DLGAP2: variants seen among roughly 807,000 people sequenced by gnomAD.
DLGAP2 encodes disks large-associated protein 2.
In DLGAP2, 26 loss-of-function variants were observed where a neutral mutation model predicts 100.3. That is an observed-to-expected ratio of 0.26 (90% CI 0.19 to 0.36). DLGAP2 has a LOEUF of 0.36. DLGAP2 is among the 10% of genes least tolerant of loss of function. The pLI is 1.00. For missense variants in DLGAP2, 1,858 were observed against 1,453.2 expected (o/e 1.28, Z -4.53); for synonymous variants, 886 against 630.1 (o/e 1.41, Z -6.08).
At chr8:962,460 G>C (rs191212610) in intron 2 of DLGAP2, among the ~76,000 whole-genome samples, 1 of 152,194 alleles carries the variant, frequency 6.6e-6, no homozygotes, top group East Asian at 1.9e-4. Flanking sequence ...ACCCGTCCTT[G>C]CACTGTGGCC....
At chr8:1,202,729 C>G (rs535051729) in intron 2 of DLGAP2, among the ~76,000 whole-genome samples, 129 of 152,188 alleles carry the variant, frequency 8.5e-4, no homozygotes, top group Non-Finnish European at 1.6e-3. Flanking sequence ...CCTCCTCAGT[C>G]TCCTGTGCAC....
intron 2 of DLGAP2, among the ~76,000 whole-genome samples, chr8:996,717 C>A (rs1563134614): frequency 6.6e-6 from 1 of 152,184 alleles, no homozygotes; most frequent in East Asian, 1.9e-4. Flanking sequence ...TCATCATTCA[C>A]TGTTTAATAC....
chr8:1,198,647 C>G (rs555996357), intron 2 of DLGAP2, among the ~76,000 whole-genome samples: 1 of 152,308 alleles, frequency 6.6e-6, no homozygotes, highest in South Asian at 2.1e-4. Context: ...GGGAGAAAGG[C>G]CGAGCCGCTC....
chr8:1,317,258 C>T (rs1365915839), intron 3 of DLGAP2, among the ~76,000 whole-genome samples: 6 of 141,186 alleles, frequency 4.2e-5, no homozygotes, highest in African/African-American at 5.5e-5. Flanking sequence ...TGTGCGAGTG[C>T]AGCGTCTCTC....
intron 1 of DLGAP2, among the ~76,000 whole-genome samples, chr8:767,695 A>G (rs1381359506): frequency 6.6e-6 from 1 of 152,120 alleles, no homozygotes; most frequent in African/African-American, 2.4e-5. Context: ...TTGTGCATCA[A>G]TCTTTAGGGT....
chr8:1,547,521 G>T (rs540695185), intron 4 of DLGAP2, among the ~76,000 whole-genome samples: 1 of 152,234 alleles, frequency 6.6e-6, no homozygotes, highest in South Asian at 2.1e-4. Flanking sequence ...GTGGGGTTGA[G>T]GGGGGCCTGC....
intron 3 of DLGAP2, among the ~76,000 whole-genome samples, chr8:1,480,138 G>A (rs1232183783): frequency 1.3e-5 from 2 of 152,202 alleles, no homozygotes; most frequent in East Asian, 3.8e-4. Flanking sequence ...CTGGCTACAG[G>A]CAGAGAGCCT....
chr8:812,502 G>T (rs1796391177), intron 1 of DLGAP2, among the ~76,000 whole-genome samples: 1 of 152,198 alleles, frequency 6.6e-6, no homozygotes, highest in Non-Finnish European at 1.5e-5. Context: ...TGCGTTGAGC[G>T]TGGGAGAAAT....
intron 3 of DLGAP2, among the ~76,000 whole-genome samples, chr8:1,349,315 A>G (rs1801647778): frequency 1.3e-5 from 2 of 150,864 alleles, no homozygotes; most frequent in South Asian, 4.3e-4. Context: ...CCTCCCGCCC[A>G]CATCCACACA....
chr8:1,031,592 G>T (rs1033180598), intron 2 of DLGAP2, among the ~76,000 whole-genome samples: 1 of 151,840 alleles, frequency 6.6e-6, no homozygotes, highest in Non-Finnish European at 1.5e-5. Context: ...TGTATTTTTT[G>T]TAGAGACGAG....
chr8:1,174,915 A>G (rs1301613587), intron 2 of DLGAP2, among the ~76,000 whole-genome samples: 1 of 152,122 alleles, frequency 6.6e-6, no homozygotes, highest in Non-Finnish European at 1.5e-5. Context: ...GCTCTGAGAG[A>G]GCTTATGTTG....
chr8:1,265,171 C>T (rs1799427240), intron 3 of DLGAP2, among the ~76,000 whole-genome samples: 1 of 152,148 alleles, frequency 6.6e-6, no homozygotes, highest in Non-Finnish European at 1.5e-5. Flanking sequence ...AAGTAATAGA[C>T]TTGCCTAGAT....
intron 6 of DLGAP2, among the ~76,000 whole-genome samples, chr8:1,594,126 C>A (rs1034687318): frequency 6.6e-6 from 1 of 152,166 alleles, no homozygotes; most frequent in Non-Finnish European, 1.5e-5. Context: ...CCCTCAGAAT[C>A]TCTGAATGAT....
chr8:960,748 G>T (rs1799706795), intron 2 of DLGAP2, among the ~76,000 whole-genome samples: 1 of 152,136 alleles, frequency 6.6e-6, no homozygotes, highest in African/African-American at 2.4e-5. Context: ...TAAACCTATT[G>T]TAAGTTGAAA....
At chr8:915,267 G>A (rs994603308) in intron 2 of DLGAP2, among the ~76,000 whole-genome samples, 7 of 152,224 alleles carry the variant, frequency 4.6e-5, no homozygotes, top group Non-Finnish European at 7.3e-5. Context: ...CCATCACTGG[G>A]CTGGGCGCGG....
chr8:928,513 A>T (rs1200063971), intron 2 of DLGAP2, among the ~76,000 whole-genome samples: 1 of 152,142 alleles, frequency 6.6e-6, no homozygotes, highest in African/African-American at 2.4e-5. Flanking sequence ...TGGTGACAAC[A>T]CGGGTGATGC....
At chr8:1,175,717 A>G (rs1329203401) in intron 2 of DLGAP2, among the ~76,000 whole-genome samples, 1 of 152,210 alleles carries the variant, frequency 6.6e-6, no homozygotes, top group African/African-American at 2.4e-5. Context: ...TAAGAGCTCA[A>G]TTCTTGACCT....
intron 6 of DLGAP2, among the ~76,000 whole-genome samples, chr8:1,597,678 T>C (rs971593238): frequency 1.3e-5 from 2 of 152,178 alleles, no homozygotes; most frequent in Non-Finnish European, 2.9e-5. Flanking sequence ...TTGTCTGTTA[T>C]TGGTGTACAG....
At chr8:1,188,385 C>A (rs1186250599) in intron 2 of DLGAP2, among the ~76,000 whole-genome samples, 1 of 129,716 alleles carries the variant, frequency 7.7e-6, no homozygotes, top group Non-Finnish European at 1.5e-5. Context: ...GAATCTCACA[C>A]ACCCGGGACC....
Sources: allele counts gnomAD v4.1 joint callset (sites outside exome capture counted in the v4.1 genomes callset), GRCh38; gene constraint gnomAD v4.1.1; transcripts MANE v1.5; gene names NCBI Gene and HGNC (gene_info 2026-07-23, HGNC 2026-07-21).